Variants in INVS observed in about 807,000 individuals in gnomAD.
The protein encoded by INVS is inversion of embryo turning homolog.
A neutral mutation model predicts 108.8 loss-of-function variants in INVS; 86 were observed. The ratio of observed to expected loss-of-function variants is 0.79; its 90% confidence interval spans 0.66 to 0.95. The LOEUF (loss-of-function observed/expected upper bound fraction) is 0.95, where lower values mean the gene tolerates loss of function less well. INVS is among the 40% of genes least tolerant of loss of function. The pLI, the probability that INVS is intolerant of heterozygous loss-of-function variation, is 0.00. For synonymous variants in INVS, 455 were observed against 473.5 expected, an observed-to-expected ratio of 0.96 and a Z score of 0.51; for missense variants, 1,169 against 1,297.4, an observed-to-expected ratio of 0.90 and a Z score of 1.52.
At chr9:100,217,967 T>C (rs1027559626) in intron 3 of INVS, among the ~76,000 whole-genome samples, 12 of 152,288 alleles carry the variant, frequency 7.9e-5, no homozygotes, top group African/African-American at 2.9e-4. Context: ...ATTAATACAG[T>C]AAATGCCTTG....
At chr9:100,283,354 G>A (rs1015159538) in intron 12 of INVS, among the ~76,000 whole-genome samples, 2 of 152,044 alleles carry the variant, frequency 1.3e-5, no homozygotes, top group African/African-American at 4.8e-5. Context: ...TCATATATTA[G>A]GTCTTTGTTT....
chr9:100,236,446 T>G (rs996646869), intron 5 of INVS, among the ~76,000 whole-genome samples: 3 of 152,236 alleles, frequency 2.0e-5, no homozygotes, highest in Non-Finnish European at 4.4e-5. Flanking sequence ...TTCTGGTTTT[T>G]GGAATTTTCA....
At chr9:100,280,369 T>A (rs993091528) in intron 12 of INVS, among the ~76,000 whole-genome samples, 1 of 152,208 alleles carries the variant, frequency 6.6e-6, no homozygotes, top group Non-Finnish European at 1.5e-5. Context: ...GTTGACTTTC[T>A]CACTTTCTTA....
chr9:100,109,518 A>G (rs998163692), intron 2 of INVS, among the ~76,000 whole-genome samples: 1 of 152,224 alleles, frequency 6.6e-6, no homozygotes, highest in African/African-American at 2.4e-5. Flanking sequence ...TGTAATGATC[A>G]ATGTTGTCAT....
chr9:100,209,008 T>A (rs1830754318), intron 3 of INVS, among the ~76,000 whole-genome samples: 1 of 152,180 alleles, frequency 6.6e-6, no homozygotes, highest in East Asian at 1.9e-4. Context: ...CTCACAGTTA[T>A]TAATAATATA....
At chr9:100,122,515 T>G (rs1827753228) in intron 2 of INVS, among the ~76,000 whole-genome samples, 2 of 151,612 alleles carry the variant, frequency 1.3e-5, no homozygotes, top group Admixed American at 1.3e-4. Flanking sequence ...TTAGTATTTA[T>G]TATAGTTTTG....
chr9:100,121,872 T>G (rs1827735012), intron 2 of INVS, among the ~76,000 whole-genome samples: 1 of 152,192 alleles, frequency 6.6e-6, no homozygotes, highest in Non-Finnish European at 1.5e-5. Context: ...CCCTCATGTG[T>G]GGTGCAAGAA....
chr9:100,220,401 T>A (rs888706355), intron 3 of INVS, among the ~76,000 whole-genome samples: 13 of 152,014 alleles, frequency 8.6e-5, no homozygotes, highest in Non-Finnish European at 1.3e-4. Context: ...CGAAAAAAAA[T>A]TTATTCACTG....
intron 14 of INVS, among the ~76,000 whole-genome samples, chr9:100,294,245 G>A (rs1833720000): frequency 6.6e-6 from 1 of 152,148 alleles, no homozygotes; most frequent in South Asian, 2.1e-4. Context: ...GACAAGGCAA[G>A]GAAATAATGC....
chr9:100,204,426 AC>A (rs1830618899), intron 3 of INVS, among the ~76,000 whole-genome samples: 1 of 152,218 alleles, frequency 6.6e-6, no homozygotes, highest in Non-Finnish European at 1.5e-5. Context: ...ATCGACTTAG[AC>A]CACAGGTATC....
Position 100,293,053 on chromosome 9 carries a change from TG to T in INVS, c.2786+14del. 1.2e-6 allele frequency: 2 copies of T among 1,608,170 alleles called. No homozygotes were observed. The highest frequency in any genetic ancestry group is 1.7e-6 in the Non-Finnish European group (2 of 1,175,674). On this transcript the variant is annotated intron_variant, in intron 14 of 16. Transcript: ENST00000262457. ...AGCGCGCCTGGCGAAGGTAGGAAAA[TG>T]GGGTGCTGCCGCATCTGTGGTTCTT...
At chr9:100,212,101 G>C (rs1407217064) in intron 3 of INVS, among the ~76,000 whole-genome samples, 1 of 152,160 alleles carries the variant, frequency 6.6e-6, no homozygotes, top group Non-Finnish European at 1.5e-5. Flanking sequence ...GTTGATTGCT[G>C]TAACTGTTTG....
chr9:100,212,446 T>A (rs1415566182), intron 3 of INVS, among the ~76,000 whole-genome samples: 1 of 152,130 alleles, frequency 6.6e-6, no homozygotes, highest in East Asian at 1.9e-4. Context: ...ATATCTTGAA[T>A]CTAGCCATCT....
intron 13 of INVS, among the ~76,000 whole-genome samples, chr9:100,291,868 A>G (rs1833626892): frequency 6.6e-6 from 1 of 152,208 alleles, no homozygotes; most frequent in African/African-American, 2.4e-5. Context: ...TGCTGGCTTC[A>G]TGTAGAGTCT....
rs2118801074 is a variant in INVS, at chr9:100,300,854, A to T, written c.*180A>T. Reference sequence around the variant, plus strand: ...GAATGTTTCCTTTCTGCTCTTACACAGCATTGTTTTGTCAATCAACACAGC... The same window carrying T: ...GAATGTTTCCTTTCTGCTCTTACACTGCATTGTTTTGTCAATCAACACAGC... On this transcript the variant is annotated 3_prime_UTR_variant, in exon 17 of 17. Transcript: ENST00000262457. 2 of 638,300 alleles carry T rather than the reference A, an allele frequency of 3.1e-6. No homozygotes were observed. Among genetic ancestry groups the T allele is most frequent in the Admixed American group, 2.4e-5 (1 of 41,828 alleles). The allele number at this position is 638,300 out of a possible 1,614,324, so 39.5% of individuals were successfully genotyped here.
chr9:100,244,718 C>T (rs1281940742), intron 7 of INVS, among the ~76,000 whole-genome samples: 4 of 152,092 alleles, frequency 2.6e-5, no homozygotes, highest in African/African-American at 7.2e-5. Flanking sequence ...AATTACAACT[C>T]GTTCCTTGAA....
intron 3 of INVS, among the ~76,000 whole-genome samples, chr9:100,183,148 T>C (rs148077258): frequency 3.9e-5 from 6 of 152,098 alleles, no homozygotes; most frequent in Admixed American, 6.6e-5. Flanking sequence ...AGAGGAGGCA[T>C]AGCATTAGGA....
At chr9:100,111,209 C>G (rs1451292388) in intron 2 of INVS, among the ~76,000 whole-genome samples, 1 of 152,122 alleles carries the variant, frequency 6.6e-6, no homozygotes, top group Non-Finnish European at 1.5e-5. Flanking sequence ...TTAGAACAAG[C>G]AAATAAGATA....
chr9:100,175,213 T>G, intron 3 of INVS: 2 of 556,748 alleles, frequency 3.6e-6, no homozygotes, highest in Non-Finnish European at 6.6e-6. Context: ...AAAACCTGCC[T>G]TGCTCTGAAG....
Sources: gnomAD v4.1 joint callset for allele counts (sites outside exome capture counted in the v4.1 genomes callset) on GRCh38, gnomAD v4.1.1 for gene constraint, MANE v1.5 for transcripts, NCBI Gene and HGNC (gene_info 2026-07-23, HGNC 2026-07-21) for gene names.